Variants in SLCO3A1 observed in about 807,000 individuals in gnomAD.
SLCO3A1 encodes the protein solute carrier organic anion transporter family member 3A1.
SLCO3A1 carries 27 observed loss-of-function variants against 63.1 expected under a neutral mutation model. That is an observed-to-expected ratio of 0.43 (90% CI 0.32 to 0.59). The LOEUF (loss-of-function observed/expected upper bound fraction) is 0.59, where lower values mean the gene tolerates loss of function less well. Ranked by LOEUF, SLCO3A1 falls within the 20% of genes least tolerant of loss-of-function variation. The pLI, the probability that SLCO3A1 is intolerant of heterozygous loss-of-function variation, is 0.09. For synonymous variants in SLCO3A1, 473 were observed against 409.9 expected (o/e 1.15, Z -1.86); for missense variants, 773 against 945.8 (o/e 0.82, Z 2.40).
chr15:91,898,164 GC>G (rs1350743928), intron 1 of SLCO3A1, among the ~76,000 whole-genome samples: 1 of 151,836 alleles, frequency 6.6e-6, no homozygotes, highest in Non-Finnish European at 1.5e-5. Context: ...AGAGCCGTGT[GC>G]CTGTGTCACT....
chr15:92,051,845 T>C (rs1453327492), intron 2 of SLCO3A1, among the ~76,000 whole-genome samples: 1 of 152,154 alleles, frequency 6.6e-6, no homozygotes, highest in African/African-American at 2.4e-5. Flanking sequence ...GAAACAAAAG[T>C]GCTGCGTGAT....
intron 2 of SLCO3A1, among the ~76,000 whole-genome samples, chr15:91,958,354 T>C (rs1229929240): frequency 1.3e-5 from 2 of 152,226 alleles, no homozygotes; most frequent in African/African-American, 2.4e-5. Flanking sequence ...TCATCTACCA[T>C]GTGTCTGGAT....
chr15:92,131,364 C>CTTTTT (rs1176368440), intron 7 of SLCO3A1, among the ~76,000 whole-genome samples: 5 of 127,120 alleles, frequency 3.9e-5, no homozygotes, highest in Admixed American at 8.4e-5. Flanking sequence ...CCTCCCACCT[C>CTTTTT]TTTTTTTTTT....
chr15:92,023,050 G>A (rs907827369), intron 2 of SLCO3A1, among the ~76,000 whole-genome samples: 3 of 152,220 alleles, frequency 2.0e-5, no homozygotes, highest in Admixed American at 1.3e-4. Flanking sequence ...AGGAGAGGAA[G>A]CACAGAGAAA....
At chr15:91,970,026 C>A (rs562445147) in intron 2 of SLCO3A1, among the ~76,000 whole-genome samples, 1 of 151,894 alleles carries the variant, frequency 6.6e-6, no homozygotes, top group Admixed American at 6.6e-5. Flanking sequence ...TTCCCCTCAG[C>A]GAAATGTTAA....
At chr15:92,035,588 G>A (rs73536134) in intron 2 of SLCO3A1, among the ~76,000 whole-genome samples, 2,527 of 151,826 alleles carry the variant, frequency 0.017, 73 homozygotes, top group African/African-American at 0.058. Context: ...GCCCTAGGGA[G>A]CTCACCACAG....
chr15:92,090,665 G>T (rs1024746421), intron 2 of SLCO3A1, among the ~76,000 whole-genome samples: 16 of 152,210 alleles, frequency 1.1e-4, no homozygotes, highest in African/African-American at 3.6e-4. Context: ...CCTGCTCCCA[G>T]CTCCAGCCCC....
In SLCO3A1 at chr15:92,163,151, T is replaced by C; in HGVS notation, c.*16T>C. On this transcript the variant is annotated 3_prime_UTR_variant, in exon 10 of 10. Transcript: ENST00000318445. ...CGTTTTATAGTGACTAAAGGAGGGCTGAACTCTGTATTAGTAATCCAAGGG... is the reference window on the plus strand; with the variant it reads ...CGTTTTATAGTGACTAAAGGAGGGCCGAACTCTGTATTAGTAATCCAAGGG... 1 of 1,497,354 alleles carries C rather than the reference T, an allele frequency of 6.7e-7. No individual in the cohort carries two copies. Among genetic ancestry groups the C allele is most frequent in the Non-Finnish European group, 8.9e-7 (1 of 1,126,088 alleles). 92.8% of individuals were successfully genotyped at this position (1,497,354 alleles called of 1,614,324 possible).
intron 2 of SLCO3A1, among the ~76,000 whole-genome samples, chr15:91,986,110 G>A (rs539898972): frequency 6.6e-6 from 1 of 152,304 alleles, no homozygotes; most frequent in African/African-American, 2.4e-5. Context: ...GGGAGCACCT[G>A]GTGGGCAGAG....
intron 7 of SLCO3A1, among the ~76,000 whole-genome samples, chr15:92,136,134 T>C (rs745601428): frequency 9.2e-5 from 14 of 152,032 alleles, no homozygotes; most frequent in Non-Finnish European, 1.8e-4. Flanking sequence ...AGAAAAGAAA[T>C]TTTCATGTAT....
rs1043521933 is a variant in SLCO3A1, at chr15:91,946,831, G to A, written c.646+30373G>A. 7.2e-5 allele frequency among the ~76,000 whole-genome samples: 11 copies of A among 152,194 alleles called. No individual in the cohort carries two copies. In the East Asian group the frequency reaches 1.7e-3, roughly 24 times the overall value. ...ACTGGAGTTACCAAAATTCCCCTCC[G>A]AGGAAGGGCAGGTCGGCGTCCTTCT... On this transcript the variant is annotated intron_variant, in intron 2 of 9. Transcript: ENST00000318445.
At chr15:92,130,602 A>G (rs2047980636) in intron 7 of SLCO3A1, among the ~76,000 whole-genome samples, 1 of 152,140 alleles carries the variant, frequency 6.6e-6, no homozygotes, top group Non-Finnish European at 1.5e-5. Flanking sequence ...CTTAAAAACA[A>G]CCACAACCAT....
intron 2 of SLCO3A1, among the ~76,000 whole-genome samples, chr15:92,019,079 A>T (rs2046474488): frequency 7.0e-6 from 1 of 143,796 alleles, no homozygotes; most frequent in Admixed American, 6.7e-5. Context: ...GGAGGGGCTG[A>T]TGCGCGGTTC....
rs1435410228 is a variant in SLCO3A1, at chr15:91,968,637, A to G, written c.646+52179A>G. Among the ~76,000 whole-genome samples the G allele has an allele frequency of 6.6e-6, 1 of 152,202 alleles. No homozygotes were observed. The highest frequency in any genetic ancestry group is 2.1e-4 in the South Asian group (1 of 4,826). On this transcript the variant is annotated intron_variant, in intron 2 of 9. Coordinates refer to ENST00000318445, the MANE Select transcript of SLCO3A1 (RefSeq NM_013272.4). This position sits in a 1 kb window ranked among gnomAD's most constrained non-coding sequence, Gnocchi z 4.2. ...GTAGAAACAAGCGACCCCTGCTTCCATGTGAAGCTTCATTCCCCAACCCAT... is the reference window on the plus strand; with the variant it reads ...GTAGAAACAAGCGACCCCTGCTTCCGTGTGAAGCTTCATTCCCCAACCCAT...
At chr15:92,066,357 T>C (rs766207073) in intron 2 of SLCO3A1, among the ~76,000 whole-genome samples, 5 of 152,322 alleles carry the variant, frequency 3.3e-5, no homozygotes, top group South Asian at 2.1e-4. Flanking sequence ...ATCTCAAAAA[T>C]CGGAGAAAAT....
At chr15:92,109,323 A>G (rs1488153918) in intron 4 of SLCO3A1, among the ~76,000 whole-genome samples, 1 of 152,164 alleles carries the variant, frequency 6.6e-6, no homozygotes, top group East Asian at 1.9e-4. Flanking sequence ...ACACTCTCTT[A>G]AAGAATAAGT....
chr15:92,019,039 G>A (rs548512368), intron 2 of SLCO3A1, among the ~76,000 whole-genome samples: 10 of 152,106 alleles, frequency 6.6e-5, no homozygotes, highest in East Asian at 1.9e-4. Flanking sequence ...GAGTGTGTGC[G>A]TCATTAACGA....
intron 7 of SLCO3A1, among the ~76,000 whole-genome samples, chr15:92,141,842 A>C (rs991774340): frequency 6.6e-6 from 1 of 152,192 alleles, no homozygotes; most frequent in South Asian, 2.1e-4. Context: ...ATGTCACACA[A>C]GCCCAGTAAA....
intron 3 of SLCO3A1, among the ~76,000 whole-genome samples, chr15:92,103,881 C>G (rs933177432): frequency 4.6e-5 from 7 of 152,088 alleles, no homozygotes; most frequent in African/African-American, 1.7e-4. Flanking sequence ...CTCGTGTGAG[C>G]TGCTTTTTGG....
Sources: allele counts gnomAD v4.1 joint callset (sites outside exome capture counted in the v4.1 genomes callset), GRCh38; gene constraint gnomAD v4.1.1; non-coding constraint Gnocchi (gnomAD v3.1); transcripts MANE v1.5; gene names NCBI Gene and HGNC (gene_info 2026-07-23, HGNC 2026-07-21).